RPS6KA2: variants seen among roughly 807,000 people sequenced by gnomAD.
RPS6KA2 encodes the protein ribosomal protein S6 kinase A2.
Under a neutral mutation model 91.8 loss-of-function variants are expected in RPS6KA2, and 42 were observed. That is an observed-to-expected ratio of 0.46 (90% confidence interval 0.36 to 0.59). The LOEUF (loss-of-function observed/expected upper bound fraction) is 0.59. Among genes scored for constraint, RPS6KA2 ranks in the 20% least tolerant of loss-of-function variants. The probability of loss-of-function intolerance (pLI) is 0.00; values close to 1 mark genes in which losing one functional copy is unlikely to be tolerated. For synonymous variants in RPS6KA2, 414 were observed against 393.6 expected, an observed-to-expected ratio of 1.05 and a Z score of -0.61; for missense variants, 798 against 978.5, an observed-to-expected ratio of 0.82 and a Z score of 2.46.
chr6:166,745,754 C>G (rs959591001), intron 2 of RPS6KA2, among the ~76,000 whole-genome samples: 6 of 152,232 alleles, frequency 3.9e-5, no homozygotes, highest in Non-Finnish European at 8.8e-5. Flanking sequence ...ACTGTTCTAT[C>G]TACCTCGGGT....
rs983145923 is a variant in RPS6KA2 at position 166,732,710 on chromosome 6, T to A, written c.123+125490A>T. On this transcript the variant is annotated intron_variant, in intron 2 of 21. Coordinates refer to the RPS6KA2 transcript ENST00000503859. The surrounding 1 kb of genome is among the most constrained non-coding windows in gnomAD (Gnocchi z 4.0). ...CGGAGCTCCCACAGATGATGTTAGG[T>A]GCAGAGATGGGGGTGCACCCAGGGC... is the stretch of plus-strand genomic sequence containing the variant. Among the ~76,000 whole-genome samples the A allele has an allele frequency of 6.6e-6, 1 of 152,114 alleles. No homozygotes were observed. Among genetic ancestry groups the A allele is most frequent in the South Asian group, 2.1e-4 (1 of 4,822 alleles).
At chr6:166,628,207 C>CTTT (rs201978488), upstream of RPS6KA2, among the ~76,000 whole-genome samples, 2 of 151,726 alleles carry the variant, frequency 1.3e-5, no homozygotes, top group African/African-American at 2.4e-5. Flanking sequence ...AAGGGAAACA[C>CTTT]TTTTTTCTTT....
intron 1 of RPS6KA2, among the ~76,000 whole-genome samples, chr6:166,611,220 T>C (rs140232290): frequency 4.2e-4 from 64 of 152,370 alleles, no homozygotes; most frequent in Non-Finnish European, 8.8e-4. Flanking sequence ...GACATGCCCA[T>C]ATTTTTCACA....
rs754855183 is a variant in RPS6KA2 at position 166,419,981 on chromosome 6, C to A, written c.1744-23G>T. On this transcript the variant is annotated intron_variant, in intron 17 of 20. Coordinates refer to ENST00000265678, the MANE Select transcript of RPS6KA2 (RefSeq NM_021135.6). This position sits in a 1 kb window ranked among gnomAD's most constrained non-coding sequence, Gnocchi z 5.6. The stretch of plus-strand genomic sequence containing the variant: ...GACCTAGGAGGGAACGACAGGACAC[C>A]GGCACGCCCTTCACTAAGGACATTC... 1.4e-4 allele frequency: 225 copies of A among 1,606,894 alleles called. 1 individual carries two copies. Among genetic ancestry groups the A allele is most frequent in the Admixed American group, 1.2e-3 (74 of 59,954 alleles).
rs866691867 is a variant in RPS6KA2, at chr6:166,571,680, T to G, written c.100-32896A>C. Among the ~76,000 whole-genome samples, 399 of 93,054 alleles carry G rather than the reference T, an allele frequency of 4.3e-3. 1 individual carries two copies. Among genetic ancestry groups the G allele is most frequent in the African/African-American group, 0.013 (383 of 29,698 alleles). The allele number at this position is 93,054 out of a possible 152,430, so 61.0% of individuals were successfully genotyped here. A position where few individuals can be genotyped will look rare whatever the true frequency, so the allele number is the denominator to read the frequency against. ...ATAAAATTAGATAGGTGAGAGACTT[T>G]TTTTTTTTTTTGCCTATCTAGTTAA... On this transcript the variant is annotated intron_variant, in intron 1 of 20. Transcript: ENST00000265678.
At position 166,839,613 on chromosome 6, in the gene RPS6KA2, A is replaced by G. The variant is rs1488901318; in HGVS notation, c.123+18587T>C. ...GGCTTTGGAATAGTATGGTTCACCAATGTAAAAATAGATGCCATCCCAATG... is the reference window on the plus strand; with the variant it reads ...GGCTTTGGAATAGTATGGTTCACCAGTGTAAAAATAGATGCCATCCCAATG... On this transcript the variant is annotated intron_variant, in intron 2 of 21. Transcript: ENST00000503859. 2.9e-5 allele frequency among the ~76,000 whole-genome samples: 4 copies of G among 140,012 alleles called. No homozygotes were observed. In the East Asian group the frequency reaches 6.5e-4, roughly 23 times the overall value. The allele number at this position is 140,012 out of a possible 152,430, so 91.9% of individuals were successfully genotyped here.
At chr6:166,592,626 G>T (rs987609522) in intron 1 of RPS6KA2, among the ~76,000 whole-genome samples, 1 of 151,942 alleles carries the variant, frequency 6.6e-6, no homozygotes, top group Non-Finnish European at 1.5e-5. Flanking sequence ...TGATGAGAGG[G>T]ACAGAAGCAC....
chr6:166,826,472 C>T (rs1780051121), intron 2 of RPS6KA2, among the ~76,000 whole-genome samples: 1 of 152,218 alleles, frequency 6.6e-6, no homozygotes, highest in African/African-American at 2.4e-5. Flanking sequence ...CACAGCGCTG[C>T]TTGGTATGTG....
chr6:166,720,886 C>T (rs1231139974), intron 2 of RPS6KA2, among the ~76,000 whole-genome samples: 1 of 152,164 alleles, frequency 6.6e-6, no homozygotes, highest in Non-Finnish European at 1.5e-5. Context: ...GAACCTCCCA[C>T]GAAGCAGGGA....
intron 2 of RPS6KA2, 30 bp from the exon 3 acceptor site, chr6:166,531,343 C>T (rs761464699): frequency 6.5e-7 from 1 of 1,539,524 alleles, no homozygotes; most frequent in South Asian, 1.1e-5. Flanking sequence ...ACATCAGAAA[C>T]CCGTAAGACT....
intron 2 of RPS6KA2, among the ~76,000 whole-genome samples, chr6:166,751,628 G>A (rs1158469167): frequency 1.3e-5 from 2 of 152,232 alleles, no homozygotes; most frequent in East Asian, 1.9e-4. Flanking sequence ...CTAAGTGTCT[G>A]AGCTTGGAAT....
chr6:166,594,269 T>C (rs951632649), intron 1 of RPS6KA2, among the ~76,000 whole-genome samples: 1 of 152,102 alleles, frequency 6.6e-6, no homozygotes, highest in African/African-American at 2.4e-5. Context: ...GAAGAAAGAA[T>C]CAGAGGAAAT....
At chr6:166,507,945 G>A in intron 5 of RPS6KA2, among the ~76,000 whole-genome samples, 1 of 95,656 alleles carries the variant, frequency 1.0e-5, no homozygotes, top group Non-Finnish European at 2.0e-5. Flanking sequence ...CACTCACACA[G>A]CCCCCATGCA....
At chr6:166,564,060 T>A (rs997264765) in intron 1 of RPS6KA2, among the ~76,000 whole-genome samples, 2 of 152,206 alleles carry the variant, frequency 1.3e-5, no homozygotes, top group African/African-American at 4.8e-5. Context: ...CAACCTGCTG[T>A]GGATAATAAA....
At chr6:166,571,719 A>T (rs1367734461) in intron 1 of RPS6KA2, among the ~76,000 whole-genome samples, 1 of 152,128 alleles carries the variant, frequency 6.6e-6, no homozygotes, top group Admixed American at 6.5e-5. Context: ...AAATGTTGAG[A>T]ATAAAAATAT....
Position 166,418,371 on chromosome 6 carries a change from G to A in RPS6KA2, c.1821-29C>T. 7 of 1,526,898 alleles carry A rather than the reference G, an allele frequency of 4.6e-6. No homozygotes were observed. The highest frequency in any genetic ancestry group is 1.4e-5 in the African/African-American group (1 of 73,190). The allele number at this position is 1,526,898 out of a possible 1,614,324, so 94.6% of individuals were successfully genotyped here. The stretch of plus-strand genomic sequence containing the variant: ...TATAATTAGACAAATTTGTGGTAAT[G>A]AGCTTGTATTTTACAACCTAAAATA... On this transcript the variant is annotated intron_variant, in intron 18 of 20. Transcript: ENST00000265678. The surrounding 1 kb of genome is among the most constrained non-coding windows in gnomAD (Gnocchi z 4.9).
intron 1 of RPS6KA2, among the ~76,000 whole-genome samples, chr6:166,600,207 C>G (rs1448422231): frequency 6.6e-6 from 1 of 152,172 alleles, no homozygotes; most frequent in African/African-American, 2.4e-5. Context: ...GACAAGGTCT[C>G]ACTATGTTTC....
rs192538956 is a variant in RPS6KA2, at chr6:166,849,319, C to T, written c.123+8881G>A. ...CCCACGCAGAGCACTCCCTGTCACC[C>T]TATTTCTGCACAGTACTTACCCCCG... is the stretch of plus-strand genomic sequence containing the variant. On this transcript the variant is annotated intron_variant, in intron 2 of 21. Transcript: ENST00000503859. This position sits in a 1 kb window ranked among gnomAD's most constrained non-coding sequence, Gnocchi z 4.9. Among the ~76,000 whole-genome samples the T allele has an allele frequency of 6.6e-6, 1 of 152,354 alleles. No homozygotes were observed. Among genetic ancestry groups the T allele is most frequent in the Admixed American group, 6.5e-5 (1 of 15,314 alleles).
At chr6:166,520,335 T>C (rs1317529214) in intron 3 of RPS6KA2, among the ~76,000 whole-genome samples, 1 of 152,192 alleles carries the variant, frequency 6.6e-6, no homozygotes, top group African/African-American at 2.4e-5. Context: ...CTCCTGGTTC[T>C]TGGGACTTTG....
Sources: allele counts gnomAD v4.1 joint callset (sites outside exome capture counted in the v4.1 genomes callset), GRCh38; gene constraint gnomAD v4.1.1; non-coding constraint Gnocchi (gnomAD v3.1); transcripts MANE v1.5; gene names NCBI Gene and HGNC (gene_info 2026-07-23, HGNC 2026-07-21).